Variants in TMEM26 observed in about 807,000 individuals in gnomAD.
TMEM26 encodes transmembrane protein 26.
Under a neutral mutation model 28.8 loss-of-function variants are expected in TMEM26, and 38 were observed. That is an observed-to-expected ratio of 1.32 (90% CI 1.02 to 1.73). The LOEUF (loss-of-function observed/expected upper bound fraction) is 1.73, where lower values mean the gene tolerates loss of function less well. TMEM26 is among the 40% of genes most tolerant of loss of function. TMEM26 has a pLI of 0.00. For missense variants in TMEM26, 518 were observed against 447.1 expected, an observed-to-expected ratio of 1.16 and a Z score of -1.43; for synonymous variants, 227 against 182.9, an observed-to-expected ratio of 1.24 and a Z score of -1.95.
chr10:61,452,661 C>G (rs952563726), intron 1 of TMEM26: 1 of 523,308 alleles, frequency 1.9e-6, no homozygotes, highest in Admixed American at 3.1e-5. Flanking sequence ...CTGGGTGACT[C>G]TTGCCTAGGC....
rs528088123 is a variant in TMEM26, at chr10:61,441,487, G to A, written c.192-5239C>T. ...ATTCATTTTTAGAGCAAAGAAGAGT[G>A]TGAAGTTTAAAAATTAATAAACCAG... On this transcript the variant is annotated intron_variant, in intron 1 of 5. Transcript: ENST00000399298. Among the ~76,000 whole-genome samples, 57 of 152,282 alleles carry A rather than the reference G, an allele frequency of 3.7e-4. No homozygotes were observed. The South Asian group carries it at 0.011, about 29-fold the overall frequency.
Position 61,428,921 on chromosome 10 carries a change from C to T in TMEM26, c.605+5G>A, listed in dbSNP as rs1411548392. The T allele has an allele frequency of 1.2e-6, 2 of 1,612,370 alleles. No individual in the cohort carries two copies. Among genetic ancestry groups the T allele is most frequent in the Non-Finnish European group, 8.5e-7 (1 of 1,178,844 alleles). On this transcript the variant is annotated splice_donor_5th_base_variant and intron_variant, in intron 4 of 5. Transcript: ENST00000399298. ...CAAGGTGTTTTTGCTGCAAGGAATG[C>T]TCACCTCACATTTTGTTCTTCTAGG...
rs913087889 is a variant in TMEM26 at position 61,410,096 on chromosome 10, A to C, written c.*226T>G. On this transcript the variant is annotated 3_prime_UTR_variant, in exon 6 of 6. Coordinates refer to ENST00000399298, the MANE Select transcript of TMEM26 (RefSeq NM_178505.8). ...AAACAAATCACTTAGTCGTTGAACA[A>C]CTATAACATCTGATACCATCACACA... is the stretch of plus-strand genomic sequence containing the variant. The C allele has an allele frequency of 3.5e-6, 2 of 566,976 alleles. No homozygotes were observed. Among genetic ancestry groups the C allele is most frequent in the Non-Finnish European group, 6.2e-6 (2 of 321,102 alleles). 35.1% of individuals were successfully genotyped at this position (566,976 alleles called of 1,614,324 possible). A position where few individuals can be genotyped will look rare whatever the true frequency, so the allele number is the denominator to read the frequency against.
At position 61,443,357 on chromosome 10, in the gene TMEM26, C is replaced by T. The variant is rs371605504; in HGVS notation, c.192-7109G>A. Among the ~76,000 whole-genome samples the T allele has an allele frequency of 1.7e-4, 26 of 150,276 alleles. No individual in the cohort carries two copies. In the East Asian group the frequency reaches 4.7e-3, roughly 27 times the overall value. ...GCGTGCGCCTGTAGTCCCAGCTACT[C>T]GGGAGGCTGAGGCAGGAGAATGGTG... On this transcript the variant is annotated intron_variant, in intron 1 of 5. Transcript: ENST00000399298.
At chr10:61,417,385 G>T (rs1242940165) in intron 4 of TMEM26, among the ~76,000 whole-genome samples, 1 of 151,596 alleles carries the variant, frequency 6.6e-6, no homozygotes, top group South Asian at 2.1e-4. Context: ...GTCATATTTT[G>T]CCAATGTGCT....
chr10:61,433,877 C>G (rs1564479484), intron 2 of TMEM26, among the ~76,000 whole-genome samples: 2 of 152,298 alleles, frequency 1.3e-5, no homozygotes, highest in South Asian at 4.1e-4. Context: ...CCCAGCATTA[C>G]TGTGTATTCA....
chr10:61,425,692 C>T (rs1481642208), intron 4 of TMEM26, among the ~76,000 whole-genome samples: 1 of 152,050 alleles, frequency 6.6e-6, no homozygotes, highest in Non-Finnish European at 1.5e-5. Flanking sequence ...AAAAGATGCT[C>T]AGCAACATTA....
In TMEM26 at chr10:61,452,937, C is replaced by G; in HGVS notation, c.145G>C (p.Glu49Gln). ...TTGAACTTGAGGGTGAGCGCAGTCT[C>G]CAGGAAGAGCAAGAGGTTGAGCAGC... is the stretch of plus-strand genomic sequence containing the variant. ...LALLNLLLFL[E>Q]TALTLKFKRG... is the part of the protein sequence containing the mutation. Residue 49 changes from glutamate (E) to glutamine (Q), a missense_variant, in exon 1 of 6, where the codon GAG becomes CAG. Coordinates refer to ENST00000399298, the MANE Select transcript of TMEM26 (RefSeq NM_178505.8). 1 of 1,614,070 alleles carries G rather than the reference C, an allele frequency of 6.2e-7. No individual in the cohort carries two copies. The highest frequency in any genetic ancestry group is 8.5e-7 in the Non-Finnish European group (1 of 1,180,012).
At chr10:61,422,565 A>C (rs1027463952) in intron 4 of TMEM26, among the ~76,000 whole-genome samples, 1 of 152,214 alleles carries the variant, frequency 6.6e-6, no homozygotes, top group African/African-American at 2.4e-5. Flanking sequence ...CATGTCAAAA[A>C]TAATGACAGA....
At chr10:61,432,575 C>T (rs1198220498) in intron 2 of TMEM26, among the ~76,000 whole-genome samples, 1 of 151,954 alleles carries the variant, frequency 6.6e-6, no homozygotes, top group Admixed American at 6.6e-5. Flanking sequence ...TTTTGAAACA[C>T]ATACACATGC....
chr10:61,447,433 G>C lies in TMEM26; in HGVS notation c.191+5458C>G, dbSNP rs115932179. On this transcript the variant is annotated intron_variant, in intron 1 of 5. Transcript: ENST00000399298. The stretch of plus-strand genomic sequence containing the variant: ...TGCTGAACTTTTCAAATGCAATTGA[G>C]TGATCTAAACAGATTTCAGTGAATT... Among the ~76,000 whole-genome samples the C allele has an allele frequency of 6.3e-3, 964 of 152,284 alleles. 9 individuals are homozygous for C. Among genetic ancestry groups the C allele is most frequent in the African/African-American group, 0.022 (907 of 41,548 alleles).
intron 4 of TMEM26, among the ~76,000 whole-genome samples, chr10:61,418,390 G>T (rs1839689012): frequency 6.6e-6 from 1 of 151,962 alleles, no homozygotes; most frequent in African/African-American, 2.4e-5. Flanking sequence ...AGGTCCTTGA[G>T]AAAGATATTG....
At chr10:61,422,158 GC>G (rs1402280350) in intron 4 of TMEM26, among the ~76,000 whole-genome samples, 1 of 151,782 alleles carries the variant, frequency 6.6e-6, no homozygotes, top group African/African-American at 2.4e-5. Context: ...AATATATGAA[GC>G]AAAAACTGAC....
intron 5 of TMEM26, among the ~76,000 whole-genome samples, chr10:61,411,286 G>T (rs186250106): frequency 6.6e-6 from 1 of 152,146 alleles, no homozygotes. Context: ...GAGGAGAGGG[G>T]TCCCTATTCA....
chr10:61,422,424 A>G (rs1471833629), intron 4 of TMEM26, among the ~76,000 whole-genome samples: 1 of 152,138 alleles, frequency 6.6e-6, no homozygotes, highest in Non-Finnish European at 1.5e-5. Flanking sequence ...GTCTCCATAA[A>G]TTTAAAAAAA....
intron 5 of TMEM26, chr10:61,412,796 G>A: frequency 1.0e-5 from 3 of 289,732 alleles, no homozygotes; most frequent in Non-Finnish European, 1.9e-5. Context: ...TCAATTTAAA[G>A]AGCGATGTGT....
chr10:61,452,902 T>C lies in TMEM26; in HGVS notation c.180A>G (p.Arg60=). ...TALTLKFKRG[R]GYKWFSPAIF... ...CGGGGCACTCTCACCATTTGTAGCC[T>C]CTGCCGCGCTTGAACTTGAGGGTGA... Residue 60 remains arginine, a synonymous_variant, in exon 1 of 6, where the codon AGA becomes AGG. Coordinates refer to ENST00000399298, the MANE Select transcript of TMEM26 (RefSeq NM_178505.8). 1 of 1,613,348 alleles carries C rather than the reference T, an allele frequency of 6.2e-7. No homozygotes were observed. The highest frequency in any genetic ancestry group is 1.1e-5 in the South Asian group (1 of 91,072).
chr10:61,413,451 A>T lies in TMEM26; in HGVS notation c.682+8T>A, dbSNP rs1839600830. On this transcript the variant is annotated splice_region_variant and intron_variant, in intron 5 of 5. Coordinates refer to ENST00000399298, the MANE Select transcript of TMEM26 (RefSeq NM_178505.8). ...TCTATTTCTTTGCACAAACATCAGG[A>T]TACTTACCTGCCAGGTCAAGTGGAA... The T allele has an allele frequency of 6.2e-7, 1 of 1,611,488 alleles. No homozygotes were observed. Among genetic ancestry groups the T allele is most frequent in the Non-Finnish European group, 8.5e-7 (1 of 1,178,872 alleles).
chr10:61,452,765 T>A lies in TMEM26; in HGVS notation c.191+126A>T, dbSNP rs1044262284. 8.9e-6 allele frequency: 11 copies of A among 1,231,618 alleles called. No individual in the cohort carries two copies. In the Admixed American group the frequency reaches 1.6e-4, roughly 18 times the overall value. The allele number at this position is 1,231,618 out of a possible 1,614,324, so 76.3% of individuals were successfully genotyped here. A position where few individuals can be genotyped will look rare whatever the true frequency, so the allele number is the denominator to read the frequency against. On this transcript the variant is annotated intron_variant, in intron 1 of 5. Coordinates refer to ENST00000399298, the MANE Select transcript of TMEM26 (RefSeq NM_178505.8). ...CAAGCATCTCGCGCCTTCCAAGCGA[T>A]CAGCGAGGAAAAACGGGGTCCAAAT...
Sources: allele counts gnomAD v4.1 joint callset (sites outside exome capture counted in the v4.1 genomes callset), GRCh38; gene constraint gnomAD v4.1.1; transcripts MANE v1.5; gene names NCBI Gene and HGNC (gene_info 2026-07-23, HGNC 2026-07-21).